The following OCIAD1 variants were observed in gnomAD, a reference collection of about 807,000 sequenced individuals.
OCIAD1 encodes the protein OCIA domain-containing protein 1.
In OCIAD1, 29 loss-of-function variants were observed where a neutral mutation model predicts 38.9. That is an observed-to-expected ratio of 0.74 (90% CI 0.55 to 1.02). OCIAD1 has a LOEUF of 1.02. OCIAD1 is among the 50% of genes least tolerant of loss of function. OCIAD1 has a pLI of 0.00. For missense variants in OCIAD1, 288 were observed against 289.6 expected (o/e 0.99, Z 0.04); for synonymous variants, 110 against 92.0 (o/e 1.20, Z -1.12).
chr4:48,836,197 AACG>A (rs1162546041), intron 3 of OCIAD1, among the ~76,000 whole-genome samples: 1 of 152,192 alleles, frequency 6.6e-6, no homozygotes, highest in African/African-American at 2.4e-5. Context: ...ATATGTAGTC[AACG>A]ATGAGATATA....
intron 1 of OCIAD1, among the ~76,000 whole-genome samples, chr4:48,811,294 C>G (rs1777086823): frequency 6.6e-6 from 1 of 152,196 alleles, no homozygotes. Flanking sequence ...CCAGAGTGAT[C>G]TTGTTAAAAT....
At chr4:48,845,794 T>C (rs764916868) in intron 4 of OCIAD1, among the ~76,000 whole-genome samples, 14 of 152,260 alleles carry the variant, frequency 9.2e-5, no homozygotes, top group Non-Finnish European at 1.8e-4. Context: ...ATCCCTTATC[T>C]GCCTTGTCCA....
upstream of OCIAD1, among the ~76,000 whole-genome samples, chr4:48,830,297 T>C (rs1454792114): frequency 1.3e-5 from 2 of 152,150 alleles, no homozygotes; most frequent in African/African-American, 4.8e-5. Context: ...TGTTAAATGA[T>C]AAAGTGGCAA....
intron 1 of OCIAD1, among the ~76,000 whole-genome samples, chr4:48,807,318 CAAAAAGAAAAA>C (rs1193359512): frequency 6.8e-6 from 1 of 146,392 alleles, no homozygotes; most frequent in Non-Finnish European, 1.5e-5. Flanking sequence ...GATCCTGTCT[CAAAAAGAAAAA>C]AAAAAAAATC....
chr4:48,833,347 G>T, intron 2 of OCIAD1, 54 bp from the exon 3 acceptor site: 1 of 1,059,270 alleles, frequency 9.4e-7, no homozygotes, highest in South Asian at 1.4e-5. Context: ...TAATTTTTCA[G>T]ACCTAGTTTT....
upstream of OCIAD1, among the ~76,000 whole-genome samples, chr4:48,829,748 A>G (rs1257795349): frequency 6.6e-6 from 1 of 152,232 alleles, no homozygotes; most frequent in African/African-American, 2.4e-5. Flanking sequence ...AGCTTGTCCC[A>G]GGAACAAAAT....
intron 1 of OCIAD1, among the ~76,000 whole-genome samples, chr4:48,812,451 C>T (rs1223116395): frequency 6.7e-6 from 1 of 150,374 alleles, no homozygotes; most frequent in Non-Finnish European, 1.5e-5. Context: ...ATTTGGAAAT[C>T]AGAAAGACAA....
At chr4:48,848,139 A>C (rs1560432065) in intron 4 of OCIAD1, among the ~76,000 whole-genome samples, 1 of 152,012 alleles carries the variant, frequency 6.6e-6, no homozygotes, top group Non-Finnish European at 1.5e-5. Flanking sequence ...TTTCATACAC[A>C]CACACATATA....
chr4:48,824,273 C>A (rs575508380), intron 1 of OCIAD1, among the ~76,000 whole-genome samples: 1 of 152,082 alleles, frequency 6.6e-6, no homozygotes, highest in South Asian at 2.1e-4. Flanking sequence ...TGAGCCACTG[C>A]GCCCAGCCTG....
At chr4:48,812,622 T>C (rs1421064644) in intron 1 of OCIAD1, among the ~76,000 whole-genome samples, 2 of 152,116 alleles carry the variant, frequency 1.3e-5, no homozygotes, top group African/African-American at 2.4e-5. Context: ...AATTGAAAGA[T>C]TGATTTAATA....
intron 2 of OCIAD1, 35 bp from the exon 3 acceptor site, chr4:48,833,366 T>G: frequency 8.0e-7 from 1 of 1,254,408 alleles, no homozygotes. Context: ...TTATTATGGA[T>G]AATTTAATGT....
At chr4:48,819,715 G>C (rs1251454524) in intron 1 of OCIAD1, among the ~76,000 whole-genome samples, 2 of 13,294 alleles carry the variant, frequency 1.5e-4, no homozygotes, top group Non-Finnish European at 3.2e-4. Context: ...TTTACCAAGC[G>C]CAAAAAAAAA....
intron 8 of OCIAD1, 84 bp from the exon 9 acceptor site, chr4:48,860,641 C>A (rs1257272041): frequency 9.6e-7 from 1 of 1,043,712 alleles, no homozygotes; most frequent in Non-Finnish European, 1.5e-6. Context: ...AGAAACATAA[C>A]TTTTCATCAT....
Position 48,860,943 on chromosome 4 carries a change from T to G in OCIAD1, c.*181T>G, listed in dbSNP as rs1447328224. On this transcript the variant is annotated 3_prime_UTR_variant, in exon 9 of 9. Coordinates refer to ENST00000264312, the MANE Select transcript of OCIAD1 (RefSeq NM_017830.4). ...AAACACAGATTTTTAGTGTTAATAT[T>G]GTGTAAATGTACTCACCTTAGGGAT... The G allele has an allele frequency of 1.7e-6, 1 of 602,054 alleles. No individual in the cohort carries two copies. Among genetic ancestry groups the G allele is most frequent in the African/African-American group, 1.9e-5 (1 of 53,002 alleles). 37.3% of individuals were successfully genotyped at this position (602,054 alleles called of 1,614,324 possible). A position where few individuals can be genotyped will look rare whatever the true frequency, so the allele number is the denominator to read the frequency against.
At chr4:48,824,542 A>C (rs1478890718) in intron 1 of OCIAD1, among the ~76,000 whole-genome samples, 2 of 150,838 alleles carry the variant, frequency 1.3e-5, no homozygotes, top group African/African-American at 4.9e-5. Context: ...TAGCACACCC[A>C]CCTTATTATT....
chr4:48,827,775 G>T (rs758576530), upstream of OCIAD1, among the ~76,000 whole-genome samples: 5 of 152,258 alleles, frequency 3.3e-5, no homozygotes, highest in Non-Finnish European at 7.3e-5. Flanking sequence ...CAGGCACGTG[G>T]CGTGGGACTG....
upstream of OCIAD1, among the ~76,000 whole-genome samples, chr4:48,826,912 A>C (rs1283276031): frequency 6.6e-6 from 1 of 152,228 alleles, no homozygotes; most frequent in African/African-American, 2.4e-5. Flanking sequence ...TGCAAAAGTT[A>C]TAAATAACCT....
intron 1 of OCIAD1, among the ~76,000 whole-genome samples, chr4:48,825,162 C>T (rs1401970652): frequency 6.6e-6 from 1 of 152,228 alleles, no homozygotes; most frequent in Non-Finnish European, 1.5e-5. Flanking sequence ...TCCAGACATG[C>T]CCAATTAATG....
intron 8 of OCIAD1, among the ~76,000 whole-genome samples, chr4:48,857,892 G>T (rs1447513009): frequency 1.3e-5 from 2 of 152,248 alleles, no homozygotes; most frequent in East Asian, 3.9e-4. Context: ...GGTGTCTCAT[G>T]CCTGAAATCC....
Sources: gnomAD v4.1 joint callset for allele counts (sites outside exome capture counted in the v4.1 genomes callset) on GRCh38, gnomAD v4.1.1 for gene constraint, MANE v1.5 for transcripts, NCBI Gene and HGNC (gene_info 2026-07-23, HGNC 2026-07-21) for gene names.